Variants in RAI14 observed in about 807,000 individuals in gnomAD.
RAI14 encodes the protein ankycorbin.
Under a neutral mutation model 115.4 loss-of-function variants are expected in RAI14, and 45 were observed. The ratio of observed to expected loss-of-function variants is 0.39; its 90% CI spans 0.31 to 0.50. RAI14 has a LOEUF of 0.50. Among genes scored for constraint, RAI14 ranks in the 20% least tolerant of loss-of-function variants. RAI14 has a pLI of 0.85. For missense variants in RAI14, 939 were observed against 1,131.2 expected, an observed-to-expected ratio of 0.83 and a Z score of 2.44; for synonymous variants, 371 against 415.4, an observed-to-expected ratio of 0.89 and a Z score of 1.30.
intron 16 of RAI14, among the ~76,000 whole-genome samples, chr5:34,828,521 G>GTGTGTGTATCACACATCATA (rs11273829): frequency 0.59 from 88,730 of 151,622 alleles, 26,280 homozygotes; most frequent in Admixed American, 0.66. Context: ...CTTATGATGT[G>GTGTGTGTATCACACATCATA]AACTTAAAGG....
chr5:34,823,703 CAGGA>C lies in RAI14; in HGVS notation c.1864_1867del (p.Glu622ProfsTer8), dbSNP rs1212122056. ...AGACACACTAAAAAGTCAGATGACACAGGAAGCCAGTGATGAAGCTGAGGACATG... is the reference window on the plus strand; with the variant it reads ...AGACACACTAAAAAGTCAGATGACACAGCCAGTGATGAAGCTGAGGACATG... On this transcript the variant is annotated frameshift_variant, in exon 15 of 18. Transcript: ENST00000265109. LOFTEE classifies it high-confidence loss of function. The surrounding 1 kb of genome is among the most constrained non-coding windows in gnomAD (Gnocchi z 4.5). 1 of 1,613,956 alleles carries C rather than the reference CAGGA, an allele frequency of 6.2e-7. No individual in the cohort carries two copies. Among genetic ancestry groups the C allele is most frequent in the Non-Finnish European group, 8.5e-7 (1 of 1,180,034 alleles).
chr5:34,735,280 A>C (rs752561703), intron 2 of RAI14, among the ~76,000 whole-genome samples: 49 of 152,304 alleles, frequency 3.2e-4, no homozygotes, highest in Non-Finnish European at 6.2e-4. Flanking sequence ...TGTATCTTTG[A>C]AACTTGTTTA....
intron 1 of RAI14, among the ~76,000 whole-genome samples, chr5:34,664,974 T>G (rs939563151): frequency 4.3e-5 from 6 of 140,482 alleles, no homozygotes; most frequent in Non-Finnish European, 7.6e-5. Flanking sequence ...TATGGCTAAG[T>G]AGTATCCATC....
Position 34,760,554 on chromosome 5 carries a change from T to A in RAI14, c.167+2956T>A, listed in dbSNP as rs184139576. On this transcript the variant is annotated intron_variant, in intron 3 of 17. Coordinates refer to ENST00000265109, the MANE Select transcript of RAI14 (RefSeq NM_015577.3). ...ATGTTTGTGCAAGACAACCTCTTCA[T>A]GTCATCCCAGAGAAAGGGGAGAGAA... is the stretch of plus-strand genomic sequence containing the variant. Among the ~76,000 whole-genome samples, 446 of 152,306 alleles carry A rather than the reference T, an allele frequency of 2.9e-3. 1 individual carries two copies. The highest frequency in any genetic ancestry group is 4.2e-3 in the Non-Finnish European group (286 of 68,032).
chr5:34,815,337 C>T (rs901364107), intron 12 of RAI14, among the ~76,000 whole-genome samples: 43 of 150,848 alleles, frequency 2.9e-4, no homozygotes, highest in African/African-American at 1.0e-3. Context: ...GCCGAGATCG[C>T]GCCACTGCAC....
chr5:34,765,655 T>C (rs1324635099), intron 3 of RAI14, among the ~76,000 whole-genome samples: 2 of 152,200 alleles, frequency 1.3e-5, no homozygotes, highest in African/African-American at 4.8e-5. Context: ...GCATAAAAGT[T>C]TGGAAAATTT....
rs555092571 is a variant in RAI14, at chr5:34,664,157, C to T, written c.-49+7682C>T. 8.6e-3 allele frequency among the ~76,000 whole-genome samples: 1,299 copies of T among 151,112 alleles called. 17 individuals are homozygous for T. The highest frequency in any genetic ancestry group is 0.029 in the African/African-American group (1,207 of 41,204). On this transcript the variant is annotated intron_variant, in intron 1 of 17. Transcript: ENST00000265109. ...TACAGTGGAAGGAAATACATGGGCT[C>T]TTTTTTTTTCTTTCCTTATTTATTT... is the stretch of plus-strand genomic sequence containing the variant.
chr5:34,734,713 G>T (rs2150031378), intron 2 of RAI14, among the ~76,000 whole-genome samples: 1 of 151,718 alleles, frequency 6.6e-6, no homozygotes, highest in South Asian at 2.1e-4. Flanking sequence ...GTAGGCTGGA[G>T]TGCAGTGGCG....
intron 2 of RAI14, among the ~76,000 whole-genome samples, chr5:34,709,951 G>T (rs1202366198): frequency 6.6e-6 from 1 of 152,184 alleles, no homozygotes; most frequent in African/African-American, 2.4e-5. Flanking sequence ...GTGATTTAAG[G>T]CCAGATTGTT....
rs771212838 is a variant in RAI14, at chr5:34,830,770, G to A, written c.*5G>A. 1.4e-5 allele frequency: 22 copies of A among 1,614,042 alleles called. No individual in the cohort carries two copies. The highest frequency in any genetic ancestry group is 6.7e-5 in the Admixed American group (4 of 60,016). On this transcript the variant is annotated 3_prime_UTR_variant, in exon 18 of 18. Transcript: ENST00000265109. ...AACCAGTCTCAAAAGAAGTAAAGTG[G>A]ATTCCTTGGCAGGACACTGCCCCTT... is the stretch of plus-strand genomic sequence containing the variant.
chr5:34,680,427 G>A (rs1177570046), intron 1 of RAI14, among the ~76,000 whole-genome samples: 3 of 152,170 alleles, frequency 2.0e-5, no homozygotes, highest in Non-Finnish European at 2.9e-5. Context: ...ACGGGCTCTG[G>A]CAAGAACTAA....
At chr5:34,813,190 T>C (rs1294462962) in intron 10 of RAI14, among the ~76,000 whole-genome samples, 2 of 152,204 alleles carry the variant, frequency 1.3e-5, no homozygotes, top group African/African-American at 4.8e-5. Flanking sequence ...CTCATATTTA[T>C]AGTCTTTAAA....
In RAI14 at chr5:34,686,964, G is replaced by GCGGT; in HGVS notation, c.36+10_36+13dup. On this transcript the variant is annotated intron_variant, in intron 2 of 17. Transcript: ENST00000265109. ...AGTTCAGGAAGAGTGACGTGAGTAT[G>GCGGT]CGGTGACTCACAGTCTGGCTGTTCC... is the stretch of plus-strand genomic sequence containing the variant. 6.2e-7 allele frequency: 1 copy of GCGGT among 1,613,518 alleles called. No individual in the cohort carries two copies. The highest frequency in any genetic ancestry group is 2.2e-5 in the East Asian group (1 of 44,854).
At chr5:34,682,213 TA>T (rs959067256) in intron 1 of RAI14, among the ~76,000 whole-genome samples, 144 of 148,848 alleles carry the variant, frequency 9.7e-4, no homozygotes, top group African/African-American at 2.9e-3. Flanking sequence ...ATTAAGCTTT[TA>T]AAAAAAAAAC....
rs1322730377 is a variant in RAI14, at chr5:34,799,106, A to AT, written c.256+3086dup. On this transcript the variant is annotated intron_variant, in intron 4 of 17. Coordinates refer to ENST00000265109, the MANE Select transcript of RAI14 (RefSeq NM_015577.3). ...AAGTGCATCTAGAAAAACACTTCTC[A>AT]TTTTTTTCTGTCCCAATAAACAGGT... is the stretch of plus-strand genomic sequence containing the variant. Among the ~76,000 whole-genome samples the AT allele has an allele frequency of 2.0e-5, 3 of 151,970 alleles. No individual in the cohort carries two copies. The East Asian group carries it at 5.8e-4, about 29-fold the overall frequency.
At chr5:34,691,628 A>T (rs1484810206) in intron 2 of RAI14, among the ~76,000 whole-genome samples, 1 of 152,172 alleles carries the variant, frequency 6.6e-6, no homozygotes, top group Non-Finnish European at 1.5e-5. Flanking sequence ...AGGGATGGGA[A>T]ATGGGGTTGA....
intron 4 of RAI14, among the ~76,000 whole-genome samples, chr5:34,796,878 T>C (rs1212622722): frequency 6.6e-6 from 1 of 152,022 alleles, no homozygotes; most frequent in East Asian, 1.9e-4. Context: ...ATACCTACAC[T>C]TTACCCTCTG....
At position 34,671,261 on chromosome 5, in the gene RAI14, C is replaced by T. The variant is rs147232656; in HGVS notation, c.-49+14786C>T. On this transcript the variant is annotated intron_variant, in intron 1 of 17. Transcript: ENST00000265109. ...AAACTAGCCCTTTCATAGCAGACAT[C>T]GTCTTCTCGGCAGCAGGATAATAGT... is the stretch of plus-strand genomic sequence containing the variant. 1.6e-4 allele frequency among the ~76,000 whole-genome samples: 25 copies of T among 152,226 alleles called. No individual in the cohort carries two copies. In the East Asian group the frequency reaches 4.6e-3, roughly 28 times the overall value.
chr5:34,785,992 G>A (rs1470984333), intron 3 of RAI14, among the ~76,000 whole-genome samples: 1 of 152,182 alleles, frequency 6.6e-6, no homozygotes, highest in African/African-American at 2.4e-5. Flanking sequence ...ACAGACTCCT[G>A]TTGGGACCTT....
Sources: allele counts gnomAD v4.1 joint callset (sites outside exome capture counted in the v4.1 genomes callset), GRCh38; gene constraint gnomAD v4.1.1; non-coding constraint Gnocchi (gnomAD v3.1); transcripts MANE v1.5; gene names NCBI Gene and HGNC (gene_info 2026-07-23, HGNC 2026-07-21).